Variants in PHC2 observed in about 807,000 individuals in gnomAD.
PHC2 encodes polyhomeotic homolog 2, also known as polyhomeotic-like protein 2.
PHC2 carries 29 observed loss-of-function variants against 87.4 expected under a neutral mutation model. That is an observed-to-expected ratio of 0.33 (90% CI 0.25 to 0.45). The LOEUF (loss-of-function observed/expected upper bound fraction) is 0.45. Among genes scored for constraint, PHC2 ranks in the 20% least tolerant of loss-of-function variants. The pLI is 1.00. For synonymous variants in PHC2, 438 were observed against 461.7 expected (o/e 0.95, Z 0.66); for missense variants, 857 against 1,136.7 (o/e 0.75, Z 3.54).
At chr1:33,351,956 A>G (rs550556400) in intron 9 of PHC2, among the ~76,000 whole-genome samples, 172 of 150,806 alleles carry the variant, frequency 1.1e-3, no homozygotes, top group African/African-American at 4.0e-3. Context: ...CATCTCAAAA[A>G]AAAAAAAAAA....
Position 33,332,909 on chromosome 1 carries a change from G to C in PHC2, c.1762-505C>G, listed in dbSNP as rs370176242. Among the ~76,000 whole-genome samples, 15 of 152,222 alleles carry C rather than the reference G, an allele frequency of 9.9e-5. No homozygotes were observed. The East Asian group carries it at 2.3e-3, about 24-fold the overall frequency. ...GTATAGCAGGAAAAAACAGACCCTG[G>C]GCCACAGAGCCAATGAACTCTCAGT... On this transcript the variant is annotated intron_variant, in intron 10 of 14. Coordinates refer to ENST00000683057, the MANE Select transcript of PHC2 (RefSeq NM_001385109.1). The surrounding 1 kb of genome is among the most constrained non-coding windows in gnomAD (Gnocchi z 4.2).
intron 13 of PHC2, among the ~76,000 whole-genome samples, chr1:33,329,500 AT>A (rs1199878358): frequency 6.6e-6 from 1 of 150,472 alleles, no homozygotes; most frequent in Non-Finnish European, 1.5e-5. Flanking sequence ...CAAAAAAAAA[AT>A]AAGGCAAAAT....
In PHC2 at chr1:33,368,809, G is replaced by C. The variant is rs548404985; in HGVS notation, c.577-187C>G. On this transcript the variant is annotated intron_variant, in intron 5 of 14. Transcript: ENST00000683057. The surrounding 1 kb of genome is among the most constrained non-coding windows in gnomAD (Gnocchi z 6.6). ...CAGGACAGTAGAAGCAGAAAGGAAG[G>C]GGGAGTCCAAGGGGAGCGCCTGCCT... is the stretch of plus-strand genomic sequence containing the variant. Among the ~76,000 whole-genome samples the C allele has an allele frequency of 3.2e-4, 48 of 152,298 alleles. No individual in the cohort carries two copies. The highest frequency in any genetic ancestry group is 1.1e-3 in the African/African-American group (45 of 41,562).
Position 33,382,547 on chromosome 1 carries a change from A to T in PHC2, c.-54-6954T>A, listed in dbSNP as rs999968208. On this transcript the variant is annotated intron_variant, in intron 1 of 14. Coordinates refer to ENST00000683057, the MANE Select transcript of PHC2 (RefSeq NM_001385109.1). The surrounding 1 kb of genome is among the most constrained non-coding windows in gnomAD (Gnocchi z 4.3). ...TCATTAATGGCTAACATCAAGAACT[A>T]GAAGTCTGTTTTTCTCTGGGTTCCT... Among the ~76,000 whole-genome samples the T allele has an allele frequency of 2.6e-5, 4 of 152,170 alleles. No individual in the cohort carries two copies. The highest frequency in any genetic ancestry group is 9.7e-5 in the African/African-American group (4 of 41,428).
At chr1:33,425,974 G>A (rs1290047110) in intron 1 of PHC2, among the ~76,000 whole-genome samples, 1 of 152,194 alleles carries the variant, frequency 6.6e-6, no homozygotes, top group Non-Finnish European at 1.5e-5. Context: ...CCCCACAAAG[G>A]AATCCAGGTT....
Position 33,367,238 on chromosome 1 carries a change from T to C in PHC2, c.854A>G (p.Asp285Gly), listed in dbSNP as rs1216848412. The C allele has an allele frequency of 1.2e-6, 2 of 1,614,154 alleles. No homozygotes were observed. The highest frequency in any genetic ancestry group is 1.1e-5 in the South Asian group (1 of 91,084). The change falls in exon 7 of 15, where the codon GAC (aspartate) becomes GGC (glycine). Residue 285 changes from aspartate (D) to glycine (G), a missense_variant. Physicochemically the swap from Asp to Gly is moderately conservative, Grantham distance 94. Coordinates refer to ENST00000683057, the MANE Select transcript of PHC2 (RefSeq NM_001385109.1). ...SPAGAKPGIA[D>G]SVMEPHKKGD... ...TTTCTTGTGTGGCTCCATCACACTG[T>C]CAGCTATGCCAGGCTTGGCACCTGC...
At chr1:33,346,524 T>C (rs1245366421) in intron 9 of PHC2, 4 of 985,242 alleles carry the variant, frequency 4.1e-6, no homozygotes, top group South Asian at 4.7e-5. Flanking sequence ...AGATTAAATA[T>C]TGAACAGCTG....
rs1646623693 is a variant in PHC2 at position 33,335,988 on chromosome 1, TTGTTGTTG to T, written c.1559-1704_1559-1697del. Among the ~76,000 whole-genome samples, 3 of 113,476 alleles carry T rather than the reference TTGTTGTTG, an allele frequency of 2.6e-5. No homozygotes were observed. The South Asian group carries it at 8.1e-4, about 31-fold the overall frequency. 74.4% of individuals were successfully genotyped at this position (113,476 alleles called of 152,430 possible). The stretch of plus-strand genomic sequence containing the variant: ...CAAGCTCATGTTTTTGTTGTTGTTG[TTGTTGTTG>T]TTTTTTTTTTTAGATGGAGTCTCAC... On this transcript the variant is annotated intron_variant, in intron 9 of 14. Coordinates refer to ENST00000683057, the MANE Select transcript of PHC2 (RefSeq NM_001385109.1).
chr1:33,337,335 A>G (rs12127865), intron 9 of PHC2, among the ~76,000 whole-genome samples: 79,631 of 151,800 alleles, frequency 0.52, 22,604 homozygotes, highest in African/African-American at 0.75. Context: ...TGGACGGCTC[A>G]TTAGTGATTC....
rs918019676 is a variant in PHC2, at chr1:33,407,744, T to C, written c.-55+23232A>G. ...TTCAGAGAGAGAGGTATTTTTAAAA[T>C]TCATTATTCTAAGAGATAGTATTTT... On this transcript the variant is annotated intron_variant, in intron 1 of 14. Coordinates refer to ENST00000683057, the MANE Select transcript of PHC2 (RefSeq NM_001385109.1). 5.9e-5 allele frequency among the ~76,000 whole-genome samples: 9 copies of C among 152,346 alleles called. No individual in the cohort carries two copies. The South Asian group carries it at 6.2e-4, about 11-fold the overall frequency.
At chr1:33,328,091 C>T (rs923604089) in intron 14 of PHC2, among the ~76,000 whole-genome samples, 1 of 152,178 alleles carries the variant, frequency 6.6e-6, no homozygotes, top group African/African-American at 2.4e-5. Flanking sequence ...ACCATGAATA[C>T]CTGACCTGGT....
intron 14 of PHC2, among the ~76,000 whole-genome samples, chr1:33,327,292 C>A (rs966093784): frequency 2.0e-5 from 3 of 152,186 alleles, no homozygotes; most frequent in Non-Finnish European, 2.9e-5. Flanking sequence ...GTTCTCAGAT[C>A]TTCAGACTGA....
intron 9 of PHC2, among the ~76,000 whole-genome samples, chr1:33,335,679 A>T (rs115864157): frequency 0.032 from 4,861 of 152,318 alleles, 101 homozygotes; most frequent in Middle Eastern, 0.095. Flanking sequence ...AGGCGGGTGG[A>T]TCACCAGGTC....
At chr1:33,346,832 T>C (rs1570466939) in intron 9 of PHC2, 1 of 985,180 alleles carries the variant, frequency 1.0e-6, no homozygotes, top group Non-Finnish European at 1.2e-6. Flanking sequence ...ACATTCACAA[T>C]AGAGAAAAGT....
rs114357062 is a variant in PHC2 at position 33,369,502 on chromosome 1, G to A, written c.577-880C>T. ...ATCACAGTGTGGCTGTCCAGTTCCC[G>A]AGGAGATGGAAGTCTATTTCATGCC... On this transcript the variant is annotated intron_variant, in intron 5 of 14. Coordinates refer to ENST00000683057, the MANE Select transcript of PHC2 (RefSeq NM_001385109.1). This position sits in a 1 kb window ranked among gnomAD's most constrained non-coding sequence, Gnocchi z 4.7. Among the ~76,000 whole-genome samples, 464 of 152,296 alleles carry A rather than the reference G, an allele frequency of 3.0e-3. 1 individual carries two copies. Among genetic ancestry groups the A allele is most frequent in the African/African-American group, 0.011 (446 of 41,556 alleles).
At chr1:33,406,431 G>A (rs1454507245) in intron 1 of PHC2, among the ~76,000 whole-genome samples, 1 of 152,114 alleles carries the variant, frequency 6.6e-6, no homozygotes, top group East Asian at 1.9e-4. Flanking sequence ...GTGGCGGGGG[G>A]TGCAGTTCTA....
chr1:33,402,835 C>CT (rs35208971), intron 1 of PHC2, among the ~76,000 whole-genome samples: 5 of 150,864 alleles, frequency 3.3e-5, no homozygotes, highest in Admixed American at 1.3e-4. Context: ...AGGGAAAACT[C>CT]TTTTTTTTGA....
At chr1:33,350,704 T>C (rs1330018176) in intron 9 of PHC2, among the ~76,000 whole-genome samples, 1 of 152,188 alleles carries the variant, frequency 6.6e-6, no homozygotes, top group African/African-American at 2.4e-5. Flanking sequence ...GTTGCCTGCC[T>C]TTCTTCTCCC....
chr1:33,424,473 C>T (rs555617135), intron 1 of PHC2, among the ~76,000 whole-genome samples: 106 of 152,318 alleles, frequency 7.0e-4, no homozygotes, highest in African/African-American at 2.5e-3. Flanking sequence ...TACACACTCA[C>T]TCAATTCCCT....
Sources: allele counts gnomAD v4.1 joint callset (sites outside exome capture counted in the v4.1 genomes callset), GRCh38; gene constraint gnomAD v4.1.1; non-coding constraint Gnocchi (gnomAD v3.1); transcripts MANE v1.5; gene names NCBI Gene and HGNC (gene_info 2026-07-23, HGNC 2026-07-21).